CELF4: variants seen among roughly 807,000 people sequenced by gnomAD.
The protein encoded by CELF4 is CUG-BP- and ETR-3-like factor 4.
CELF4 carries 18 observed loss-of-function variants against 59.9 expected under a neutral mutation model. That is an observed-to-expected ratio of 0.30 (90% CI 0.21 to 0.45). CELF4 has a LOEUF of 0.45. CELF4 is among the 20% of genes least tolerant of loss of function. The pLI, the probability that CELF4 is intolerant of heterozygous loss-of-function variation, is 1.00. For missense variants in CELF4, 456 were observed against 689.0 expected (o/e 0.66, Z 3.79); for synonymous variants, 261 against 267.1 (o/e 0.98, Z 0.22).
intron 1 of CELF4, among the ~76,000 whole-genome samples, chr18:37,517,417 C>T (rs564129247): frequency 3.9e-5 from 6 of 152,074 alleles, no homozygotes; most frequent in South Asian, 2.1e-4. Context: ...AGGGGCAGGG[C>T]GGGGTCCTCC....
intron 2 of CELF4, among the ~76,000 whole-genome samples, chr18:37,347,490 G>A (rs1203636887): frequency 6.6e-6 from 1 of 152,136 alleles, no homozygotes; most frequent in Non-Finnish European, 1.5e-5. Context: ...GTCCCAGAGA[G>A]GCCCTGCCTC....
intron 1 of CELF4, among the ~76,000 whole-genome samples, chr18:37,512,799 A>C (rs2099946064): frequency 7.1e-6 from 1 of 140,390 alleles, no homozygotes; most frequent in Non-Finnish European, 1.5e-5. Flanking sequence ...TTTCTCCTCT[A>C]CTTTCCTTTC....
chr18:37,260,295 A>C (rs2073488897), intron 10 of CELF4, among the ~76,000 whole-genome samples: 1 of 152,148 alleles, frequency 6.6e-6, no homozygotes, highest in African/African-American at 2.4e-5. Context: ...CTAACCATTT[A>C]CCTGTTTCTT....
At chr18:37,261,238 GCCC>G (rs1274831414) in intron 10 of CELF4, among the ~76,000 whole-genome samples, 15 of 106,918 alleles carry the variant, frequency 1.4e-4, no homozygotes, top group Non-Finnish European at 2.8e-4. Context: ...GCCCCCTCCA[GCCC>G]CCCCCACACC....
intron 2 of CELF4, among the ~76,000 whole-genome samples, chr18:37,357,933 AC>A (rs1374890293): frequency 2.0e-5 from 3 of 152,062 alleles, no homozygotes; most frequent in Non-Finnish European, 1.5e-5. Flanking sequence ...CAGCGCCTGT[AC>A]CCCCACTGTA....
intron 3 of CELF4, among the ~76,000 whole-genome samples, chr18:37,304,368 C>G (rs946052748): frequency 2.0e-5 from 3 of 152,176 alleles, no homozygotes; most frequent in Non-Finnish European, 4.4e-5. Flanking sequence ...CATGAGACAG[C>G]AGGCTTCCAG....
Position 37,321,885 on chromosome 18 carries a change from C to T in CELF4, c.370-4G>A. On this transcript the variant is annotated splice_region_variant and splice_polypyrimidine_tract_variant and intron_variant, in intron 2 of 12. Coordinates refer to ENST00000420428, the MANE Select transcript of CELF4 (RefSeq NM_020180.4). The stretch of plus-strand genomic sequence containing the variant: ...TCACCTGGATCGGCCGGTTCATCTG[C>T]AACAGAGCAGAGGGGGACAGCATTA... 6.2e-7 allele frequency: 1 copy of T among 1,612,324 alleles called. No homozygotes were observed. Among genetic ancestry groups the T allele is most frequent in the Non-Finnish European group, 8.5e-7 (1 of 1,178,952 alleles).
intron 2 of CELF4, among the ~76,000 whole-genome samples, chr18:37,470,887 T>TGTGAGAGAGAGAGAGAGAGAGAGA (rs1325788685): frequency 4.2e-5 from 3 of 71,922 alleles, no homozygotes; most frequent in African/African-American, 5.4e-5. Context: ...TGTGTGTGTG[T>TGTGAGAGAGAGAGAGAGAGAGAGA]GACAGAGAGA....
At chr18:37,490,916 C>T (rs1293188710) in intron 1 of CELF4, among the ~76,000 whole-genome samples, 6 of 152,180 alleles carry the variant, frequency 3.9e-5, no homozygotes, top group Admixed American at 2.0e-4. Context: ...GTCTACCACC[C>T]GTTAGGGGTC....
At chr18:37,322,563 G>A (rs1483796733) in intron 2 of CELF4, among the ~76,000 whole-genome samples, 4 of 152,142 alleles carry the variant, frequency 2.6e-5, no homozygotes, top group South Asian at 2.1e-4. Context: ...CCTAGCCGCC[G>A]GCCTCTCTCT....
chr18:37,454,364 G>T (rs896224617), intron 2 of CELF4, among the ~76,000 whole-genome samples: 5 of 152,120 alleles, frequency 3.3e-5, no homozygotes, highest in African/African-American at 9.7e-5. Context: ...GAAGTTTGCC[G>T]CATTCAAATG....
intron 1 of CELF4, among the ~76,000 whole-genome samples, chr18:37,530,843 C>CAGAG (rs147592878): frequency 3.7e-5 from 5 of 136,066 alleles, no homozygotes; most frequent in African/African-American, 8.3e-5. Context: ...TCAATAAGTA[C>CAGAG]AGAGAGAGAG....
At chr18:37,301,105 G>T (rs1008116267) in intron 3 of CELF4, among the ~76,000 whole-genome samples, 2 of 152,314 alleles carry the variant, frequency 1.3e-5, no homozygotes, top group South Asian at 4.2e-4. Flanking sequence ...GGGGGCAGTT[G>T]TCCAGGAGAC....
At chr18:37,528,525 T>C (rs966920474) in intron 1 of CELF4, among the ~76,000 whole-genome samples, 2 of 152,336 alleles carry the variant, frequency 1.3e-5, no homozygotes, top group East Asian at 1.9e-4. Flanking sequence ...TTTATGTACA[T>C]GCTGATTTGG....
chr18:37,511,122 T>G (rs2099943839), intron 1 of CELF4, among the ~76,000 whole-genome samples: 1 of 152,200 alleles, frequency 6.6e-6, no homozygotes. Flanking sequence ...GGGAGGATGG[T>G]CTCTTTCAGG....
intron 2 of CELF4, among the ~76,000 whole-genome samples, chr18:37,429,767 C>A (rs141225021): frequency 6.6e-6 from 1 of 152,284 alleles, no homozygotes; most frequent in Non-Finnish European, 1.5e-5. Context: ...TTTGGCCTTG[C>A]GCAGGGGCTC....
chr18:37,494,699 G>A (rs1436948358), intron 1 of CELF4, among the ~76,000 whole-genome samples: 2 of 152,178 alleles, frequency 1.3e-5, no homozygotes, highest in Admixed American at 6.5e-5. Flanking sequence ...TGGCCACAGT[G>A]GGAGAGCAGA....
At chr18:37,260,813 C>T (rs1032256150) in intron 10 of CELF4, among the ~76,000 whole-genome samples, 6 of 152,178 alleles carry the variant, frequency 3.9e-5, no homozygotes, top group Admixed American at 2.6e-4. Context: ...CCTTGGTGCT[C>T]GCCCTGTGCC....
At chr18:37,470,836 C>CTGTGTG (rs71381583) in intron 2 of CELF4, among the ~76,000 whole-genome samples, 3,639 of 93,142 alleles carry the variant, frequency 0.039, 115 homozygotes, top group Middle Eastern at 0.06. Context: ...CTTCATGACT[C>CTGTGTG]TGTGTGTGTG....
Sources: allele counts gnomAD v4.1 joint callset (sites outside exome capture counted in the v4.1 genomes callset), GRCh38; gene constraint gnomAD v4.1.1; transcripts MANE v1.5; gene names NCBI Gene and HGNC (gene_info 2026-07-23, HGNC 2026-07-21).